Variants in RIN3 observed in about 807,000 individuals in gnomAD.
RIN3 encodes the protein Ras and Rab interactor 3, also known as RAB5 interacting protein 3.
A neutral mutation model predicts 76.3 loss-of-function variants in RIN3; 54 were observed. The ratio of observed to expected loss-of-function variants is 0.71; its 90% CI spans 0.57 to 0.89. The LOEUF is 0.89. Among genes scored for constraint, RIN3 ranks in the 40% least tolerant of loss-of-function variants. RIN3 has a pLI of 0.00. For synonymous variants in RIN3, 576 were observed against 564.0 expected, an observed-to-expected ratio of 1.02 and a Z score of -0.30; for missense variants, 1,256 against 1,322.1, an observed-to-expected ratio of 0.95 and a Z score of 0.78.
At chr14:92,595,676 T>G (rs1176219621) in intron 3 of RIN3, among the ~76,000 whole-genome samples, 1 of 152,220 alleles carries the variant, frequency 6.6e-6, no homozygotes, top group Non-Finnish European at 1.5e-5. Flanking sequence ...ACTTGCTATG[T>G]GGCCTTAAGC....
intron 3 of RIN3, among the ~76,000 whole-genome samples, chr14:92,579,131 T>C (rs531234458): frequency 1.3e-5 from 2 of 152,316 alleles, no homozygotes; most frequent in African/African-American, 4.8e-5. Context: ...TTTCTCCATG[T>C]TGGTCAGGCT....
At chr14:92,535,467 G>T (rs1186532423) in intron 1 of RIN3, among the ~76,000 whole-genome samples, 1 of 151,646 alleles carries the variant, frequency 6.6e-6, no homozygotes, top group Non-Finnish European at 1.5e-5. Flanking sequence ...TGATGAACAG[G>T]AAGTCTTTGT....
chr14:92,579,207 C>T (rs76793332), intron 3 of RIN3, among the ~76,000 whole-genome samples: 1 of 152,172 alleles, frequency 6.6e-6, no homozygotes, highest in African/African-American at 2.4e-5. Flanking sequence ...GGATTACAGG[C>T]GTGAGCCACC....
In RIN3 at chr14:92,514,276, T is replaced by C. The variant is rs1375976501; in HGVS notation, c.44+300T>C. ...TTACGAGGGAGTGCGTCGCTACCTG[T>C]CAGCGCCGGGGCTGCCCGCGTGGAC... On this transcript the variant is annotated intron_variant, in intron 1 of 9. Coordinates refer to ENST00000216487, the MANE Select transcript of RIN3 (RefSeq NM_024832.5). This position sits in a 1 kb window ranked among gnomAD's most constrained non-coding sequence, Gnocchi z 7.2. Among the ~76,000 whole-genome samples, 2 of 151,778 alleles carry C rather than the reference T, an allele frequency of 1.3e-5. No individual in the cohort carries two copies. The highest frequency in any genetic ancestry group is 4.8e-5 in the African/African-American group (2 of 41,304).
chr14:92,653,166 G>A, intron 6 of RIN3, 91 bp downstream of exon 6: 1 of 1,340,644 alleles, frequency 7.5e-7, no homozygotes, highest in South Asian at 1.5e-5. Flanking sequence ...CCTATGCAGT[G>A]GACGCTGTTG....
At chr14:92,650,126 C>T (rs1887356598) in intron 5 of RIN3, among the ~76,000 whole-genome samples, 1 of 152,204 alleles carries the variant, frequency 6.6e-6, no homozygotes. Context: ...GTTGCCACAT[C>T]CTGAGTTCTG....
At position 92,687,761 on chromosome 14, in the gene RIN3, G is replaced by GC. The variant is rs140137074; in HGVS notation, c.2632-159dup. On this transcript the variant is annotated intron_variant, in intron 9 of 9. Coordinates refer to ENST00000216487, the MANE Select transcript of RIN3 (RefSeq NM_024832.5). ...GGAAGCCAGGCAGGGAGGGGGACGG[G>GC]CCCCCCGCAGGCTCGCGGCAGAGAC... is the stretch of plus-strand genomic sequence containing the variant. 7.6e-3 allele frequency: 4,608 copies of GC among 604,936 alleles called. 183 individuals carry two copies. The African/African-American group carries it at 0.082, about 11-fold the overall frequency. The allele number at this position is 604,936 out of a possible 1,614,324, so 37.5% of individuals were successfully genotyped here.
At chr14:92,595,777 C>T (rs762480192) in intron 3 of RIN3, among the ~76,000 whole-genome samples, 6 of 152,274 alleles carry the variant, frequency 3.9e-5, no homozygotes, top group Admixed American at 2.0e-4. Context: ...AGACAGAAGG[C>T]GCCGTTCTTC....
chr14:92,573,137 C>T (rs951335219), intron 2 of RIN3, among the ~76,000 whole-genome samples: 1 of 152,142 alleles, frequency 6.6e-6, no homozygotes, highest in Non-Finnish European at 1.5e-5. Context: ...CTGCCTCAGC[C>T]TCCCAAAGTG....
chr14:92,568,493 G>C lies in RIN3; in HGVS notation c.250-8867G>C, dbSNP rs1208657442. Among the ~76,000 whole-genome samples the C allele has an allele frequency of 6.6e-6, 1 of 152,190 alleles. No homozygotes were observed. The highest frequency in any genetic ancestry group is 2.4e-5 in the African/African-American group (1 of 41,446). On this transcript the variant is annotated intron_variant, in intron 2 of 9. Coordinates refer to ENST00000216487, the MANE Select transcript of RIN3 (RefSeq NM_024832.5). This position sits in a 1 kb window ranked among gnomAD's most constrained non-coding sequence, Gnocchi z 4.2. Reference sequence around the variant, plus strand: ...AGGTGCTGTCTGTGAATACCTTCTAGAAGAGTCTCCATGACTAGCTCAGCA... The same window carrying C: ...AGGTGCTGTCTGTGAATACCTTCTACAAGAGTCTCCATGACTAGCTCAGCA...
At chr14:92,525,801 A>G (rs1424577401) in intron 1 of RIN3, among the ~76,000 whole-genome samples, 1 of 152,188 alleles carries the variant, frequency 6.6e-6, no homozygotes, top group African/African-American at 2.4e-5. Flanking sequence ...GTGATCACCC[A>G]TCCTTGTCCC....
intron 1 of RIN3, among the ~76,000 whole-genome samples, chr14:92,554,855 G>A (rs1188956578): frequency 2.0e-5 from 3 of 152,206 alleles, no homozygotes; most frequent in Admixed American, 6.5e-5. Context: ...CCCAGGAGGC[G>A]GAGGCTGCAG....
At chr14:92,619,889 C>T (rs1886114433) in intron 4 of RIN3, among the ~76,000 whole-genome samples, 1 of 152,150 alleles carries the variant, frequency 6.6e-6, no homozygotes, top group African/African-American at 2.4e-5. Context: ...AAACAATTTT[C>T]GAAAGGCAAA....
chr14:92,666,241 G>A (rs546708857), intron 7 of RIN3, among the ~76,000 whole-genome samples: 14 of 152,270 alleles, frequency 9.2e-5, no homozygotes, highest in African/African-American at 1.4e-4. Flanking sequence ...TTCATGGCCC[G>A]CTTGAAAGGG....
intron 2 of RIN3, among the ~76,000 whole-genome samples, chr14:92,574,531 G>T (rs1199921509): frequency 6.6e-6 from 1 of 152,178 alleles, no homozygotes; most frequent in Non-Finnish European, 1.5e-5. Context: ...GTCTATGTTT[G>T]CCGCTTGAGT....
At chr14:92,520,093 C>A (rs113016455) in intron 1 of RIN3, among the ~76,000 whole-genome samples, 297 of 152,372 alleles carry the variant, frequency 1.9e-3, no homozygotes, top group African/African-American at 6.6e-3. Context: ...CCCAATTTGA[C>A]CTCAGTAATA....
At chr14:92,585,394 G>A (rs1433186208) in intron 3 of RIN3, among the ~76,000 whole-genome samples, 3 of 152,166 alleles carry the variant, frequency 2.0e-5, no homozygotes, top group Non-Finnish European at 4.4e-5. Flanking sequence ...CACTGCCCAG[G>A]AGGACTCATC....
At chr14:92,597,610 G>A (rs117279725) in intron 3 of RIN3, among the ~76,000 whole-genome samples, 2,147 of 152,216 alleles carry the variant, frequency 0.014, 25 homozygotes, top group South Asian at 0.031. Context: ...CTCCCAAATA[G>A]AGTTTTGGGA....
intron 3 of RIN3, among the ~76,000 whole-genome samples, chr14:92,594,222 C>T (rs894415694): frequency 6.6e-5 from 10 of 152,062 alleles, no homozygotes; most frequent in East Asian, 5.8e-4. Context: ...CACCTGAGGT[C>T]GGGAGTTTGA....
Sources: gnomAD v4.1 joint callset for allele counts (sites outside exome capture counted in the v4.1 genomes callset) on GRCh38, gnomAD v4.1.1 for gene constraint, Gnocchi (gnomAD v3.1) non-coding constraint, MANE v1.5 for transcripts, NCBI Gene and HGNC (gene_info 2026-07-23, HGNC 2026-07-21) for gene names.